The following TCF4 variants were observed in gnomAD, a reference collection of about 807,000 sequenced individuals.
The protein encoded by TCF4 is SL3-3 enhancer factor 2.
TCF4 carries 3 observed loss-of-function variants against 82.1 expected under a neutral mutation model. That is an observed-to-expected ratio of 0.04 (90% CI 0.02 to 0.09). The LOEUF (loss-of-function observed/expected upper bound fraction) is 0.09, where lower values mean the gene tolerates loss of function less well. TCF4 is among the 10% of genes least tolerant of loss of function. TCF4 has a pLI of 1.00. For missense variants in TCF4, 518 were observed against 852.7 expected, an observed-to-expected ratio of 0.61 and a Z score of 4.89; for synonymous variants, 276 against 309.6, an observed-to-expected ratio of 0.89 and a Z score of 1.14.
At chr18:55,606,212 A>G (rs2147955444) in intron 2 of TCF4, among the ~76,000 whole-genome samples, 1 of 152,238 alleles carries the variant, frequency 6.6e-6, no homozygotes, top group South Asian at 2.1e-4. Context: ...ACACATTTCT[A>G]ACCAAGGAGA....
At chr18:55,560,328 C>T (rs144795699) in intron 3 of TCF4, among the ~76,000 whole-genome samples, 4 of 152,216 alleles carry the variant, frequency 2.6e-5, no homozygotes, top group East Asian at 1.9e-4. Context: ...ATGAAATTAC[C>T]GACTTTTCAT....
At chr18:55,317,974 T>A (rs1446021884) in intron 8 of TCF4, among the ~76,000 whole-genome samples, 1 of 152,096 alleles carries the variant, frequency 6.6e-6, no homozygotes, top group East Asian at 1.9e-4. Context: ...AATAACTATT[T>A]CAAAACAACT....
chr18:55,587,827 C>A (rs1199685220), intron 1 of TCF4, among the ~76,000 whole-genome samples: 1 of 147,906 alleles, frequency 6.8e-6, no homozygotes, highest in African/African-American at 2.5e-5. Context: ...AGTCCTCGGT[C>A]CCTCCGAGGG....
chr18:55,465,558 G>A (rs1318208965), intron 3 of TCF4, among the ~76,000 whole-genome samples: 1 of 150,856 alleles, frequency 6.6e-6, no homozygotes, highest in African/African-American at 2.5e-5. Context: ...GAAAGCTCTC[G>A]GGACTGCACC....
chr18:55,321,171 C>G (rs950042554), intron 8 of TCF4: 1 of 162,336 alleles, frequency 6.2e-6, no homozygotes, highest in African/African-American at 2.4e-5. Context: ...CTTTCAGGTT[C>G]TCTCCACTCT....
At chr18:55,381,764 C>T (rs2091929366) in intron 6 of TCF4, among the ~76,000 whole-genome samples, 1 of 152,204 alleles carries the variant, frequency 6.6e-6, no homozygotes, top group South Asian at 2.1e-4. Context: ...TGGAATTTAG[C>T]AGCAAGAATG....
chr18:55,321,845 C>T (rs1226109063), intron 8 of TCF4: 2 of 1,477,184 alleles, frequency 1.4e-6, no homozygotes, highest in African/African-American at 1.4e-5. Context: ...CCCATATGGC[C>T]GGGCCAAGCG....
intron 3 of TCF4, among the ~76,000 whole-genome samples, chr18:55,544,781 G>T (rs2147020748): frequency 6.6e-6 from 1 of 152,166 alleles, no homozygotes; most frequent in East Asian, 1.9e-4. Flanking sequence ...ACACTTTAAA[G>T]AAACCAACAT....
Position 55,588,144 on chromosome 18 carries a change from G to A in TCF4, c.-127C>T. ...CGCCTGCTCCTGCGCCCGCTCCCGC[G>A]CCTGCTGCCTCCCCGCCGCCGCCGC... On this transcript the variant is annotated 5_prime_UTR_variant, in exon 1 of 20. Coordinates refer to ENST00000354452, the MANE Select transcript of TCF4 (RefSeq NM_001083962.2). 9.3e-7 allele frequency: 1 copy of A among 1,076,502 alleles called. No homozygotes were observed. The highest frequency in any genetic ancestry group is 6.5e-5 in the East Asian group (1 of 15,304). 66.7% of individuals were successfully genotyped at this position (1,076,502 alleles called of 1,614,324 possible). A position where few individuals can be genotyped will look rare whatever the true frequency, so the allele number is the denominator to read the frequency against.
At chr18:55,286,530 CT>C (rs1437388803) in intron 8 of TCF4, among the ~76,000 whole-genome samples, 1 of 152,174 alleles carries the variant, frequency 6.6e-6, no homozygotes, top group Admixed American at 6.5e-5. Context: ...AAAGTCTTTC[CT>C]AAGTAGCTAA....
At chr18:55,462,510 T>C (rs1297421402) in intron 4 of TCF4, among the ~76,000 whole-genome samples, 1 of 152,142 alleles carries the variant, frequency 6.6e-6, no homozygotes, top group African/African-American at 2.4e-5. Context: ...AAAATATAAA[T>C]TACACAAAAT....
At position 55,391,282 on chromosome 18, in the gene TCF4, T is replaced by C. The variant is rs557951454; in HGVS notation, c.369+12172A>G. Among the ~76,000 whole-genome samples, 5 of 152,338 alleles carry C rather than the reference T, an allele frequency of 3.3e-5. No individual in the cohort carries two copies. The South Asian group carries it at 6.2e-4, about 19-fold the overall frequency. ...TCCCAGGGATGGGACTTCAAAGCAG[T>C]GGCAGGGTGCAAGTTAAGGTGTATT... On this transcript the variant is annotated intron_variant, in intron 6 of 19. Coordinates refer to ENST00000354452, the MANE Select transcript of TCF4 (RefSeq NM_001083962.2).
chr18:55,474,180 T>C (rs1331773647), intron 3 of TCF4, among the ~76,000 whole-genome samples: 1 of 152,184 alleles, frequency 6.6e-6, no homozygotes, highest in African/African-American at 2.4e-5. Context: ...ACTTTACACA[T>C]CTGAAATTGT....
chr18:55,597,904 C>A (rs2097692771), intron 2 of TCF4, among the ~76,000 whole-genome samples: 1 of 152,066 alleles, frequency 6.6e-6, no homozygotes, highest in Non-Finnish European at 1.5e-5. Context: ...GTCAGTTAAG[C>A]ATAGGACACA....
intron 3 of TCF4, among the ~76,000 whole-genome samples, chr18:55,497,379 AAAT>A (rs2096648960): frequency 6.6e-6 from 1 of 152,218 alleles, no homozygotes; most frequent in African/African-American, 2.4e-5. Context: ...ATGAACAGAT[AAAT>A]AATATATGCA....
chr18:55,546,358 A>G (rs971739475), intron 3 of TCF4, among the ~76,000 whole-genome samples: 2 of 152,178 alleles, frequency 1.3e-5, no homozygotes, highest in Non-Finnish European at 2.9e-5. Flanking sequence ...ATAAAAACAA[A>G]TAAAAATTAA....
chr18:55,286,314 T>C (rs549123317), intron 8 of TCF4, among the ~76,000 whole-genome samples: 10 of 152,250 alleles, frequency 6.6e-5, no homozygotes, highest in South Asian at 2.1e-4. Flanking sequence ...CCTTTTTTTT[T>C]TTTTCAGATG....
chr18:55,510,170 A>G (rs2096810138), intron 3 of TCF4, among the ~76,000 whole-genome samples: 1 of 152,064 alleles, frequency 6.6e-6, no homozygotes, highest in South Asian at 2.1e-4. Flanking sequence ...TTTCTGACTC[A>G]AGGTTAAAGG....
rs142652152 is a variant in TCF4, at chr18:55,238,187, C to T, written c.1351-3504G>A. The stretch of plus-strand genomic sequence containing the variant: ...AGAAAATCCATACTTCGTTAAAGCT[C>T]TATTTTGATAACCTTTTCATAGAGA... On this transcript the variant is annotated intron_variant, in intron 15 of 19. Coordinates refer to ENST00000354452, the MANE Select transcript of TCF4 (RefSeq NM_001083962.2). 2.7e-3 allele frequency among the ~76,000 whole-genome samples: 410 copies of T among 152,292 alleles called. 3 individuals are homozygous for T. Among genetic ancestry groups the T allele is most frequent in the African/African-American group, 9.0e-3 (374 of 41,570 alleles).
Sources: gnomAD v4.1 joint callset for allele counts (sites outside exome capture counted in the v4.1 genomes callset) on GRCh38, gnomAD v4.1.1 for gene constraint, MANE v1.5 for transcripts, NCBI Gene and HGNC (gene_info 2026-07-23, HGNC 2026-07-21) for gene names.